OR2T2: variants seen among roughly 807,000 people sequenced by gnomAD.
OR2T2 encodes olfactory receptor family 2 subfamily T member 2.
For synonymous variants in OR2T2, 50 were observed against 162.7 expected, an observed-to-expected ratio of 0.31 and a Z score of 5.27; for missense variants, 138 against 409.1, an observed-to-expected ratio of 0.34 and a Z score of 5.72.
intron 2 of OR2T2, among the ~76,000 whole-genome samples, chr1:248,450,787 A>AGT (rs1662780452): frequency 2.1e-5 from 3 of 145,198 alleles, no homozygotes; most frequent in African/African-American, 8.4e-5. Flanking sequence ...TGCGAGATTA[A>AGT]TATTTTTAAT....
chr1:248,453,084 T>A (rs1191642345), exon 3 of OR2T2: 2 of 1,613,104 alleles, frequency 1.2e-6, no homozygotes, highest in Non-Finnish European at 1.7e-6. Context: ...ATTTCCTTCC[T>A]GGGCTGTGCA....
intron 2 of OR2T2, among the ~76,000 whole-genome samples, chr1:248,450,250 TCA>T (rs202233628): frequency 0.018 from 2,605 of 145,590 alleles, 2 homozygotes; most frequent in African/African-American, 0.034. Flanking sequence ...CCCCACCCAC[TCA>T]CAGATGCACA....
chr1:248,446,847 C>G (rs1662671499), intron 2 of OR2T2, 36 bp downstream of exon 2: 2 of 148,398 alleles, frequency 1.3e-5, no homozygotes, highest in Non-Finnish European at 2.9e-5. Context: ...CTGTATTCTT[C>G]AAACTGAACT....
rs1212310438 is a variant in OR2T2, at chr1:248,449,820, T to TTCTTTC, written c.-22-2951_-22-2950insCTCTTT. Among the ~76,000 whole-genome samples, 35 of 127,542 alleles carry TTCTTTC rather than the reference T, an allele frequency of 2.7e-4. 1 individual carries two copies. In the East Asian group the frequency reaches 7.4e-3, roughly 27 times the overall value. 83.7% of individuals were successfully genotyped at this position (127,542 alleles called of 152,430 possible). A position where few individuals can be genotyped will look rare whatever the true frequency, so the allele number is the denominator to read the frequency against. On this transcript the variant is annotated intron_variant, in intron 2 of 2. Coordinates refer to ENST00000642130, the Ensembl canonical transcript of OR2T2. ...AAATAAAAGCTTTTTCTTTTTCTTTTTCTTTTTCTTTTTTTTTTTTTTTGG... is the reference window on the plus strand; with the variant it reads ...AAATAAAAGCTTTTTCTTTTTCTTTTTCTTTCTCTTTTTCTTTTTTTTTTTTTTTGG...
chr1:248,454,999 C>CT (rs1662902792), exon 3 of OR2T2: 1 of 150,766 alleles, frequency 6.6e-6, no homozygotes, highest in Non-Finnish European at 1.5e-5. Flanking sequence ...CATTGATATG[C>CT]TGAAGACAAG....
intron 2 of OR2T2, among the ~76,000 whole-genome samples, chr1:248,449,824 TTTTC>T (rs1295873550): frequency 1.6e-5 from 2 of 126,656 alleles, no homozygotes; most frequent in African/African-American, 1.0e-4. Context: ...TTCTTTTTCT[TTTTC>T]TTTTTTTTTT....
chr1:248,450,786 AAT>A (rs1375677771), intron 2 of OR2T2, among the ~76,000 whole-genome samples: 388 of 146,078 alleles, frequency 2.7e-3, no homozygotes, highest in African/African-American at 9.8e-3. Context: ...CTGCGAGATT[AAT>A]ATTTTTAATT....
chr1:248,451,800 A>AT (rs1463672114), intron 2 of OR2T2, among the ~76,000 whole-genome samples: 1 of 139,284 alleles, frequency 7.2e-6, no homozygotes, highest in Non-Finnish European at 1.5e-5. Flanking sequence ...ACTTATAAAC[A>AT]TGAAGGATCA....
chr1:248,448,515 T>C, intron 2 of OR2T2, among the ~76,000 whole-genome samples: 1 of 16,704 alleles, frequency 6.0e-5, no homozygotes, highest in Non-Finnish European at 1.1e-4. Context: ...AAGGGGAAAC[T>C]GTACCTTTGT....
intron 2 of OR2T2, among the ~76,000 whole-genome samples, chr1:248,447,494 T>TC (rs1467149589): frequency 6.9e-6 from 1 of 144,410 alleles, no homozygotes. Flanking sequence ...ACCTCAGCTC[T>TC]CCACGGGCTC....
chr1:248,453,144 T>C, exon 3 of OR2T2: 2 of 1,612,830 alleles, frequency 1.2e-6, no homozygotes, highest in Non-Finnish European at 1.7e-6. Flanking sequence ...TTCTTCCTGC[T>C]GGGTCTCATG....
rs1434398913 is a variant in OR2T2, at chr1:248,449,393, G to A, written c.-23+2582G>A. On this transcript the variant is annotated intron_variant, in intron 2 of 2. Transcript: ENST00000642130. ...CTCTTGGAGATCTCTTCAATTTTCG[G>A]TGAGTCACCAATTGTTCTTGATTTC... The A allele has an allele frequency of 6.0e-5, 9 of 150,432 alleles. No individual in the cohort carries two copies. The highest frequency in any genetic ancestry group is 1.7e-4 in the African/African-American group (7 of 41,024). 9.3% of individuals were successfully genotyped at this position (150,432 alleles called of 1,614,324 possible).
intron 2 of OR2T2, among the ~76,000 whole-genome samples, chr1:248,449,858 A>G (rs2103019874): frequency 8.7e-6 from 1 of 114,998 alleles, no homozygotes. Context: ...AGACTAGTTG[A>G]TGAAGGGGAA....
At chr1:248,450,927 CTT>C (rs1388675723) in intron 2 of OR2T2, among the ~76,000 whole-genome samples, 46 of 117,584 alleles carry the variant, frequency 3.9e-4, no homozygotes, top group Non-Finnish European at 6.4e-4. Flanking sequence ...AAGTAGCTGA[CTT>C]TTATCACGCT....
In OR2T2 at chr1:248,453,542, G is replaced by A. The variant is rs140623285; in HGVS notation, c.745G>A (p.Val249Met). ...TACGTGTTCCTCCCACATTATGGTGGTGAGCGTTTTCTACGGGGCAGCCTT... is the reference window on the plus strand; with the variant it reads ...TACGTGTTCCTCCCACATTATGGTGATGAGCGTTTTCTACGGGGCAGCCTT... The change falls in exon 3 of 3, where the codon GTG becomes ATG. Residue 249 changes from valine to methionine, a missense_variant. Coordinates refer to ENST00000642130, the Ensembl canonical transcript of OR2T2. 2.1e-3 allele frequency: 3,305 copies of A among 1,565,428 alleles called. 8 individuals are homozygous for A. Among genetic ancestry groups the A allele is most frequent in the Non-Finnish European group, 2.7e-3 (3,065 of 1,147,654 alleles).
intron 2 of OR2T2, among the ~76,000 whole-genome samples, chr1:248,450,873 C>CA (rs1265152209): frequency 1.5e-5 from 2 of 137,750 alleles, no homozygotes; most frequent in Non-Finnish European, 3.1e-5. Context: ...TGATTCGAAG[C>CA]TGTGGCTATC....
At chr1:248,453,751 G>A (rs200152335) in exon 3 of OR2T2, 96 of 1,605,834 alleles carry the variant, frequency 6.0e-5, no homozygotes, top group Admixed American at 1.2e-4. Context: ...TCAGGGTGGC[G>A]ACTGTGATCA....
chr1:248,446,869 T>C (rs557661566), intron 2 of OR2T2, 58 bp downstream of exon 2: 1 of 147,670 alleles, frequency 6.8e-6, no homozygotes, highest in African/African-American at 2.7e-5. Flanking sequence ...ACTTCTGGCA[T>C]AGTAAGTGTT....
chr1:248,449,890 AATG>A (rs1369684137), intron 2 of OR2T2, among the ~76,000 whole-genome samples: 9 of 128,544 alleles, frequency 7.0e-5, no homozygotes, highest in Non-Finnish European at 9.1e-5. Context: ...TAGAGTGGAG[AATG>A]ATGATAGTGA....
Sources: gnomAD v4.1 joint callset for allele counts (sites outside exome capture counted in the v4.1 genomes callset) on GRCh38, gnomAD v4.1.1 for gene constraint, MANE v1.5 for transcripts, NCBI Gene and HGNC (gene_info 2026-07-23, HGNC 2026-07-21) for gene names.